AFG2A: variants seen among roughly 807,000 people sequenced by gnomAD.
AFG2A encodes AAA ATPase AFG2A.
At chr4:123,123,949 C>T in the AFG2A span, among the ~76,000 whole-genome samples, 1,295 of 59,782 alleles carry the variant, frequency 0.022, 27 homozygotes, top group African/African-American at 0.094. Flanking sequence ...GAAACTCCGT[C>T]TCAAAAAAAA....
At chr4:123,071,829 A>G in the AFG2A span, among the ~76,000 whole-genome samples, 3 of 152,212 alleles carry the variant, frequency 2.0e-5, no homozygotes, top group Non-Finnish European at 2.9e-5. Context: ...TAGATTACTC[A>G]AGACATTATT....
the AFG2A span, among the ~76,000 whole-genome samples, chr4:123,242,971 A>G: frequency 3.9e-5 from 6 of 152,262 alleles, no homozygotes; most frequent in Non-Finnish European, 8.8e-5. Context: ...GAAGACATTT[A>G]TGCAGCCAAC....
chr4:123,265,619 A>G, the AFG2A span, among the ~76,000 whole-genome samples: 551 of 152,240 alleles, frequency 3.6e-3, 1 homozygote, highest in African/African-American at 0.012. Flanking sequence ...TGAGTTTACA[A>G]GAAGTATTAG....
the AFG2A span, among the ~76,000 whole-genome samples, chr4:123,247,158 A>G: frequency 6.6e-6 from 1 of 152,008 alleles, no homozygotes; most frequent in Non-Finnish European, 1.5e-5. Flanking sequence ...TATATTGCCC[A>G]TGGTTTCATA....
chr4:123,207,417 C>T, the AFG2A span, among the ~76,000 whole-genome samples: 1 of 151,930 alleles, frequency 6.6e-6, no homozygotes, highest in Non-Finnish European at 1.5e-5. Context: ...GGACGCAAGC[C>T]ATCCTCCCAC....
At chr4:123,058,901 C>T in the AFG2A span, among the ~76,000 whole-genome samples, 1 of 152,278 alleles carries the variant, frequency 6.6e-6, no homozygotes, top group Admixed American at 6.5e-5. Context: ...CTCATTTCAG[C>T]ATTAACTCAA....
the AFG2A span, among the ~76,000 whole-genome samples, chr4:123,152,000 C>T: frequency 6.6e-6 from 1 of 152,056 alleles, no homozygotes; most frequent in Non-Finnish European, 1.5e-5. Flanking sequence ...AACTGGAAAC[C>T]ATCATTCCCA....
At chr4:123,150,004 A>C in the AFG2A span, among the ~76,000 whole-genome samples, 1 of 152,148 alleles carries the variant, frequency 6.6e-6, no homozygotes, top group African/African-American at 2.4e-5. Flanking sequence ...CATCACATAA[A>C]CAGAACCAAT....
the AFG2A span, among the ~76,000 whole-genome samples, chr4:123,107,796 G>A: frequency 6.6e-6 from 1 of 152,212 alleles, no homozygotes; most frequent in Non-Finnish European, 1.5e-5. Flanking sequence ...GGGGTTCAAG[G>A]TGGCTGGGGG....
At chr4:123,270,267 T>C in the AFG2A span, among the ~76,000 whole-genome samples, 1 of 152,200 alleles carries the variant, frequency 6.6e-6, no homozygotes, top group African/African-American at 2.4e-5. Flanking sequence ...ACATCAGAAT[T>C]GAATCTTCCT....
the AFG2A span, among the ~76,000 whole-genome samples, chr4:123,133,026 C>T: frequency 3.9e-5 from 6 of 152,150 alleles, no homozygotes; most frequent in African/African-American, 7.2e-5. Context: ...ATGATCCGCC[C>T]GCCTAGGCCT....
the AFG2A span, among the ~76,000 whole-genome samples, chr4:123,258,423 A>G: frequency 6.6e-6 from 1 of 152,234 alleles, no homozygotes; most frequent in South Asian, 2.1e-4. Flanking sequence ...TTCACACAGA[A>G]CCTTCTACAT....
the AFG2A span, among the ~76,000 whole-genome samples, chr4:123,218,751 A>C: frequency 3.3e-5 from 5 of 152,068 alleles, no homozygotes; most frequent in African/African-American, 1.2e-4. Context: ...TATTTTTGCT[A>C]TAGCTATTTA....
At chr4:123,119,551 T>C in the AFG2A span, among the ~76,000 whole-genome samples, 1 of 152,180 alleles carries the variant, frequency 6.6e-6, no homozygotes, top group Non-Finnish European at 1.5e-5. Context: ...GGTCCATCTT[T>C]TTCCCTCATT....
At chr4:123,044,126 C>A in the AFG2A span, among the ~76,000 whole-genome samples, 7 of 152,046 alleles carry the variant, frequency 4.6e-5, no homozygotes, top group Non-Finnish European at 8.8e-5. Context: ...CACTTGTTTA[C>A]AGTTTTGATT....
chr4:123,027,919 G>T, the AFG2A span, among the ~76,000 whole-genome samples: 1 of 151,584 alleles, frequency 6.6e-6, no homozygotes, highest in South Asian at 2.1e-4. Flanking sequence ...TAGATTTTAC[G>T]ATATGCTCAA....
At chr4:123,020,897 GTAAAATGTATGAACT>G in the AFG2A span, among the ~76,000 whole-genome samples, 1 of 152,106 alleles carries the variant, frequency 6.6e-6, no homozygotes. Flanking sequence ...ATATTACTAG[GTAAAATGTATGAACT>G]TCTAAAATAT....
chr4:123,050,912 T>C, the AFG2A span, among the ~76,000 whole-genome samples: 2 of 151,184 alleles, frequency 1.3e-5, no homozygotes, highest in Non-Finnish European at 3.0e-5. Context: ...GCCCAGCTAA[T>C]TTTTTTTTAG....
the AFG2A span, among the ~76,000 whole-genome samples, chr4:123,096,245 G>C: frequency 2.0e-5 from 3 of 152,014 alleles, no homozygotes; most frequent in Non-Finnish European, 4.4e-5. Flanking sequence ...TTTTGCGTAA[G>C]AGTGATAGGA....
Sources: gnomAD v4.1 joint callset for allele counts (sites outside exome capture counted in the v4.1 genomes callset) on GRCh38, gnomAD v4.1.1 for gene constraint, MANE v1.5 for transcripts, NCBI Gene and HGNC (gene_info 2026-07-23, HGNC 2026-07-21) for gene names.